Variants in MECOM observed in about 807,000 individuals in gnomAD.
MECOM encodes the protein histone-lysine N-methyltransferase MECOM.
A neutral mutation model predicts 116.3 loss-of-function variants in MECOM; 13 were observed. The observed-to-expected ratio is 0.11, with a 90% CI of 0.07 to 0.18. The LOEUF is 0.18. Among genes scored for constraint, MECOM ranks in the 10% least tolerant of loss-of-function variants. The probability of loss-of-function intolerance (pLI) is 1.00; values close to 1 mark genes in which losing one functional copy is unlikely to be tolerated. For synonymous variants in MECOM, 528 were observed against 535.2 expected (o/e 0.99, Z 0.19); for missense variants, 1,299 against 1,509.0 (o/e 0.86, Z 2.31).
At chr3:169,135,931 C>T (rs933644080) in intron 3 of MECOM, among the ~76,000 whole-genome samples, 6 of 151,654 alleles carry the variant, frequency 4.0e-5, no homozygotes, top group African/African-American at 1.2e-4. Context: ...CTAAATGATT[C>T]AAGTAGTTGA....
intron 12 of MECOM, among the ~76,000 whole-genome samples, chr3:169,097,392 A>G (rs980361368): frequency 2.6e-5 from 4 of 152,268 alleles, no homozygotes; most frequent in Admixed American, 2.6e-4. Flanking sequence ...CAATTCCAAT[A>G]AGAGCCTAAG....
intron 2 of MECOM, among the ~76,000 whole-genome samples, chr3:169,312,195 A>G (rs1577677559): frequency 6.6e-6 from 1 of 152,160 alleles, no homozygotes; most frequent in East Asian, 1.9e-4. Flanking sequence ...AGACCAACCA[A>G]GTATAGTATA....
intron 1 of MECOM, among the ~76,000 whole-genome samples, chr3:169,433,704 G>C (rs1225967173): frequency 6.6e-6 from 1 of 151,040 alleles, no homozygotes; most frequent in Non-Finnish European, 1.5e-5. Context: ...AGAAAGAAAA[G>C]AAAGAAAGAA....
chr3:169,470,930 GT>G (rs1236036503), intron 1 of MECOM, among the ~76,000 whole-genome samples: 1 of 152,024 alleles, frequency 6.6e-6, no homozygotes, highest in East Asian at 1.9e-4. Flanking sequence ...ATGTCCTTTT[GT>G]TTTAGGGGGG....
chr3:169,140,336 T>C (rs376898319), intron 3 of MECOM, among the ~76,000 whole-genome samples: 145 of 152,212 alleles, frequency 9.5e-4, no homozygotes, highest in Non-Finnish European at 1.7e-3. Context: ...AATTAGAATG[T>C]TAAGGATAAA....
At chr3:169,442,846 C>T (rs1743960098) in intron 1 of MECOM, among the ~76,000 whole-genome samples, 3 of 152,046 alleles carry the variant, frequency 2.0e-5, no homozygotes, top group Admixed American at 6.6e-5. Context: ...ACCCTGAATA[C>T]AGAATTGGTC....
chr3:169,148,964 T>C (rs182536947), intron 2 of MECOM, among the ~76,000 whole-genome samples: 1 of 151,746 alleles, frequency 6.6e-6, no homozygotes, highest in African/African-American at 2.4e-5. Context: ...GTAAATAACC[T>C]AAAACCCGGT....
At chr3:169,128,617 A>AG (rs5854307) in intron 4 of MECOM, among the ~76,000 whole-genome samples, 145,742 of 152,304 alleles carry the variant, frequency 0.96, 69,773 homozygotes, top group East Asian at 0.99. Context: ...GCCATGTTTA[A>AG]CCTGGTTAAT....
chr3:169,169,631 AC>A (rs1744108659), intron 2 of MECOM, among the ~76,000 whole-genome samples: 1 of 150,798 alleles, frequency 6.6e-6, no homozygotes, highest in South Asian at 2.2e-4. Context: ...TACCTCTTGT[AC>A]TTAAAAAAAA....
At chr3:169,283,214 A>G (rs1712502658) in intron 2 of MECOM, among the ~76,000 whole-genome samples, 1 of 152,180 alleles carries the variant, frequency 6.6e-6, no homozygotes, top group Non-Finnish European at 1.5e-5. Context: ...CTTATTACAA[A>G]AAAAGAGGTC....
chr3:169,202,754 C>T (rs568316418), intron 2 of MECOM, among the ~76,000 whole-genome samples: 1 of 150,368 alleles, frequency 6.7e-6, no homozygotes, highest in East Asian at 2.0e-4. Context: ...AGAAATTTCA[C>T]CCAACTCTTG....
At chr3:169,349,810 C>T (rs547404961) in intron 2 of MECOM, among the ~76,000 whole-genome samples, 76 of 151,860 alleles carry the variant, frequency 5.0e-4, no homozygotes, top group Middle Eastern at 3.4e-3. Context: ...GAATATGAGA[C>T]AGGGACTCAG....
chr3:169,584,335 G>C (rs1245401166), intron 1 of MECOM, among the ~76,000 whole-genome samples: 1 of 151,826 alleles, frequency 6.6e-6, no homozygotes, highest in Non-Finnish European at 1.5e-5. Context: ...GGAGGCCGGG[G>C]CGGGCGGATC....
intron 1 of MECOM, among the ~76,000 whole-genome samples, chr3:169,469,064 G>T (rs1163904203): frequency 6.6e-6 from 1 of 152,150 alleles, no homozygotes; most frequent in Non-Finnish European, 1.5e-5. Flanking sequence ...AGTAAAGATG[G>T]ACACAGGGAC....
At chr3:169,198,328 C>T (rs149876018) in intron 2 of MECOM, among the ~76,000 whole-genome samples, 1 of 152,106 alleles carries the variant, frequency 6.6e-6, no homozygotes, top group African/African-American at 2.4e-5. Flanking sequence ...CTTCACATTG[C>T]TCTCCCCTTC....
At chr3:169,584,686 T>A (rs1218800585) in intron 1 of MECOM, among the ~76,000 whole-genome samples, 2 of 152,182 alleles carry the variant, frequency 1.3e-5, no homozygotes, top group East Asian at 3.8e-4. Context: ...AGTATACTAC[T>A]GGTAAACTAC....
intron 1 of MECOM, among the ~76,000 whole-genome samples, chr3:169,595,846 T>C (rs1202997528): frequency 6.6e-6 from 1 of 152,196 alleles, no homozygotes; most frequent in Non-Finnish European, 1.5e-5. Flanking sequence ...AGAGAGGTAG[T>C]ATTTTTTAAA....
At chr3:169,449,291 T>C (rs1745162606) in intron 1 of MECOM, among the ~76,000 whole-genome samples, 1 of 152,210 alleles carries the variant, frequency 6.6e-6, no homozygotes, top group Admixed American at 6.5e-5. Context: ...TTACCCATAA[T>C]GCATGCTGTC....
At chr3:169,324,468 A>G (rs1174443884) in intron 2 of MECOM, among the ~76,000 whole-genome samples, 2 of 152,254 alleles carry the variant, frequency 1.3e-5, no homozygotes, top group Non-Finnish European at 2.9e-5. Flanking sequence ...CATTTTTTAC[A>G]GGTCTTGAAA....
Sources: gnomAD v4.1 joint callset for allele counts (sites outside exome capture counted in the v4.1 genomes callset) on GRCh38, gnomAD v4.1.1 for gene constraint, MANE v1.5 for transcripts, NCBI Gene and HGNC (gene_info 2026-07-23, HGNC 2026-07-21) for gene names.